Variants in SAMD5 observed in about 807,000 individuals in gnomAD.
The protein encoded by SAMD5 is sterile alpha motif domain-containing protein 5.
Under a neutral mutation model 11.3 loss-of-function variants are expected in SAMD5, and 13 were observed. That is an observed-to-expected ratio of 1.15 (90% CI 0.75 to 1.83). The LOEUF (loss-of-function observed/expected upper bound fraction) is 1.83. Ranked by LOEUF, SAMD5 falls within the 40% of genes most tolerant of loss-of-function variation. The probability of loss-of-function intolerance (pLI) is 0.00; values close to 1 mark genes in which losing one functional copy is unlikely to be tolerated. For synonymous variants in SAMD5, 129 were observed against 111.3 expected, an observed-to-expected ratio of 1.16 and a Z score of -1.00; for missense variants, 255 against 239.1, an observed-to-expected ratio of 1.07 and a Z score of -0.44.
chr6:147,925,857 C>G, the SAMD5 span, among the ~76,000 whole-genome samples: 1 of 151,974 alleles, frequency 6.6e-6, no homozygotes, highest in Non-Finnish European at 1.5e-5. Context: ...CAAGTAGGCC[C>G]CAGTGTTTGT....
chr6:147,744,608 G>A, the SAMD5 span, among the ~76,000 whole-genome samples: 2 of 152,134 alleles, frequency 1.3e-5, no homozygotes, highest in African/African-American at 4.8e-5. Flanking sequence ...TGGATTAAAA[G>A]AAACCCAGGC....
At chr6:147,814,798 C>A in the SAMD5 span, among the ~76,000 whole-genome samples, 1 of 152,152 alleles carries the variant, frequency 6.6e-6, no homozygotes, top group Non-Finnish European at 1.5e-5. Flanking sequence ...TTCTGTTAAA[C>A]CTTGATCTGA....
chr6:147,598,075 G>T (rs1789558874), intron 1 of SAMD5, among the ~76,000 whole-genome samples: 1 of 151,920 alleles, frequency 6.6e-6, no homozygotes, highest in Non-Finnish European at 1.5e-5. Flanking sequence ...TGACAAAGTT[G>T]CCAGGTATTC....
intron 1 of SAMD5, among the ~76,000 whole-genome samples, chr6:147,527,076 T>G (rs986695545): frequency 2.6e-5 from 4 of 152,264 alleles, no homozygotes; most frequent in Admixed American, 2.6e-4. Flanking sequence ...GCTTTGAAGC[T>G]TTGGATTGAA....
At chr6:147,936,472 A>G in the SAMD5 span, among the ~76,000 whole-genome samples, 1 of 151,874 alleles carries the variant, frequency 6.6e-6, no homozygotes, top group East Asian at 1.9e-4. Context: ...GGGATCACAC[A>G]CTTTTAAATG....
rs1377546329 is a variant in SAMD5 at position 147,566,329 on chromosome 6, A to G, written c.*1873A>G. 1 of 979,800 alleles carries G rather than the reference A, an allele frequency of 1.0e-6. No homozygotes were observed. Among genetic ancestry groups the G allele is most frequent in the East Asian group, 1.1e-4 (1 of 8,804 alleles). The allele number at this position is 979,800 out of a possible 1,614,324, so 60.7% of individuals were successfully genotyped here. ...ATGAACTAGGGTCTTTAAAATTCCT[A>G]AGTAGATTCTTTTGAGTGGTAGGGG... On this transcript the variant is annotated 3_prime_UTR_variant, in exon 2 of 2. Transcript: ENST00000367474.
chr6:147,683,501 T>C (rs558114845), intron 1 of SAMD5, among the ~76,000 whole-genome samples: 1 of 152,364 alleles, frequency 6.6e-6, no homozygotes, highest in African/African-American at 2.4e-5. Context: ...TTTACCACTT[T>C]GTCAGTTATT....
At chr6:147,682,302 G>A (rs1790951310) in intron 1 of SAMD5, among the ~76,000 whole-genome samples, 1 of 152,312 alleles carries the variant, frequency 6.6e-6, no homozygotes, top group South Asian at 2.1e-4. Flanking sequence ...CATAGATTTT[G>A]TCTGGTTTGT....
intron 1 of SAMD5, among the ~76,000 whole-genome samples, chr6:147,509,905 G>A (rs1788061581): frequency 6.6e-6 from 1 of 152,156 alleles, no homozygotes; most frequent in Non-Finnish European, 1.5e-5. Flanking sequence ...CAGCGCTGCT[G>A]CAAATTTGAG....
At chr6:147,750,782 T>C in the SAMD5 span, among the ~76,000 whole-genome samples, 8 of 152,234 alleles carry the variant, frequency 5.3e-5, no homozygotes, top group African/African-American at 1.9e-4. Flanking sequence ...TTTAGCCAGG[T>C]GTGGTGGCAC....
At chr6:147,732,778 T>G (rs1318103492) in intron 1 of SAMD5, among the ~76,000 whole-genome samples, 3 of 152,240 alleles carry the variant, frequency 2.0e-5, no homozygotes, top group Non-Finnish European at 4.4e-5. Context: ...GTGCTTGTAA[T>G]CAGCCATTAT....
At chr6:147,563,745 C>G (rs1182034093) in intron 1 of SAMD5, among the ~76,000 whole-genome samples, 2 of 152,192 alleles carry the variant, frequency 1.3e-5, no homozygotes, top group Non-Finnish European at 2.9e-5. Flanking sequence ...ATGGCAAAGA[C>G]CACACAGCAA....
At position 147,565,358 on chromosome 6, in the gene SAMD5, TAC is replaced by T; in HGVS notation, c.*903_*904del. 2.0e-6 allele frequency: 2 copies of T among 985,760 alleles called. No individual in the cohort carries two copies. The highest frequency in any genetic ancestry group is 2.4e-6 in the Non-Finnish European group (2 of 829,904). The allele number at this position is 985,760 out of a possible 1,614,324, so 61.1% of individuals were successfully genotyped here. ...AGTGGCCTGAGGAGCCCTGTAGAAC[TAC>T]GGCTGAAAAAGAAAGTAGATTGAGG... On this transcript the variant is annotated 3_prime_UTR_variant, in exon 2 of 2. Transcript: ENST00000367474.
At chr6:147,729,399 C>A (rs538492313) in intron 1 of SAMD5, among the ~76,000 whole-genome samples, 21 of 152,248 alleles carry the variant, frequency 1.4e-4, no homozygotes, top group African/African-American at 5.1e-4. Context: ...TTAAAAAGTG[C>A]CCCAATGGAG....
At chr6:147,903,017 CT>C in the SAMD5 span, among the ~76,000 whole-genome samples, 5 of 152,228 alleles carry the variant, frequency 3.3e-5, no homozygotes, top group African/African-American at 1.2e-4. Context: ...CAGAAAAGAT[CT>C]TTTGAAGCCA....
chr6:147,879,395 T>C, the SAMD5 span, among the ~76,000 whole-genome samples: 2 of 152,140 alleles, frequency 1.3e-5, 1 homozygote, highest in South Asian at 4.1e-4. Context: ...CTCTGTCACC[T>C]GGGTAAAACC....
intron 1 of SAMD5, among the ~76,000 whole-genome samples, chr6:147,578,807 A>G (rs961700995): frequency 1.3e-5 from 2 of 152,144 alleles, no homozygotes; most frequent in Admixed American, 1.3e-4. Flanking sequence ...AAAAAAACCC[A>G]ATCTATATTT....
At chr6:147,735,991 A>T (rs767225657) in intron 1 of SAMD5, among the ~76,000 whole-genome samples, 56 of 152,266 alleles carry the variant, frequency 3.7e-4, no homozygotes, top group African/African-American at 1.3e-3. Flanking sequence ...CTAATATTAT[A>T]TGTCTAGGTG....
At chr6:147,675,093 C>A (rs548937609) in intron 1 of SAMD5, among the ~76,000 whole-genome samples, 2 of 152,160 alleles carry the variant, frequency 1.3e-5, no homozygotes, top group African/African-American at 4.8e-5. Context: ...GTATAAAGAA[C>A]CTCATGTATT....
Sources: gnomAD v4.1 joint callset for allele counts (sites outside exome capture counted in the v4.1 genomes callset) on GRCh38, gnomAD v4.1.1 for gene constraint, MANE v1.5 for transcripts, NCBI Gene and HGNC (gene_info 2026-07-23, HGNC 2026-07-21) for gene names.